The following SORCS1 variants were observed in gnomAD, a reference collection of about 807,000 sequenced individuals.
The protein encoded by SORCS1 is VPS10 domain-containing receptor SorCS1.
In SORCS1, 60 loss-of-function variants were observed where a neutral mutation model predicts 146.1. That is an observed-to-expected ratio of 0.41 (90% CI 0.33 to 0.51). SORCS1 has a LOEUF of 0.51. Among genes scored for constraint, SORCS1 ranks in the 20% least tolerant of loss-of-function variants. The pLI is 0.21. For missense variants in SORCS1, 1,352 were observed against 1,487.6 expected (o/e 0.91, Z 1.50); for synonymous variants, 637 against 584.0 (o/e 1.09, Z -1.31).
intron 4 of SORCS1, among the ~76,000 whole-genome samples, chr10:106,769,257 A>G (rs112247292): frequency 8.5e-5 from 13 of 152,188 alleles, no homozygotes; most frequent in African/African-American, 2.2e-4. Flanking sequence ...AGGCTGAGGC[A>G]GGCAGATCAC....
chr10:106,642,373 G>A (rs1849129330), intron 18 of SORCS1, among the ~76,000 whole-genome samples: 2 of 152,106 alleles, frequency 1.3e-5, no homozygotes, highest in Admixed American at 6.5e-5. Context: ...AGGTTTCTTT[G>A]GTACCTAGAG....
chr10:106,789,108 T>C (rs1230442158), intron 3 of SORCS1, among the ~76,000 whole-genome samples: 1 of 152,188 alleles, frequency 6.6e-6, no homozygotes, highest in South Asian at 2.1e-4. Context: ...AGCTGTGTGG[T>C]GGTCCCTTTC....
At chr10:107,155,102 T>C (rs1371312981) in intron 1 of SORCS1, among the ~76,000 whole-genome samples, 3 of 152,176 alleles carry the variant, frequency 2.0e-5, no homozygotes, top group Non-Finnish European at 2.9e-5. Context: ...TTAGTATACA[T>C]TGAATGACAG....
intron 1 of SORCS1, among the ~76,000 whole-genome samples, chr10:107,131,235 C>T (rs1277758893): frequency 6.6e-6 from 1 of 152,158 alleles, no homozygotes; most frequent in Non-Finnish European, 1.5e-5. Context: ...TTGGCATGTC[C>T]TCTTCCCAGG....
intron 1 of SORCS1, among the ~76,000 whole-genome samples, chr10:107,038,398 G>C (rs1282956946): frequency 6.7e-6 from 1 of 149,714 alleles, no homozygotes; most frequent in Non-Finnish European, 1.5e-5. Flanking sequence ...TCGTGGGGTG[G>C]GTGGGGGGGG....
At chr10:106,718,875 T>A (rs984777470) in intron 6 of SORCS1, among the ~76,000 whole-genome samples, 1 of 152,186 alleles carries the variant, frequency 6.6e-6, no homozygotes, top group East Asian at 1.9e-4. Context: ...TTTTACAGAG[T>A]GCTGATTGGT....
chr10:106,790,486 A>G (rs1285630882), intron 3 of SORCS1, among the ~76,000 whole-genome samples: 1 of 152,216 alleles, frequency 6.6e-6, no homozygotes, highest in Non-Finnish European at 1.5e-5. Flanking sequence ...AAGGAAGGGC[A>G]AGGAAGCAAT....
At chr10:106,943,587 C>T (rs1000329393) in intron 2 of SORCS1, among the ~76,000 whole-genome samples, 2 of 151,938 alleles carry the variant, frequency 1.3e-5, no homozygotes, top group Non-Finnish European at 2.9e-5. Flanking sequence ...GTGGCCGGAT[C>T]ATGAGGTCAG....
chr10:106,629,849 T>C (rs976342486), intron 18 of SORCS1, among the ~76,000 whole-genome samples: 1 of 152,044 alleles, frequency 6.6e-6, no homozygotes, highest in African/African-American at 2.4e-5. Flanking sequence ...ATCAAGACCA[T>C]CCTGGCCAAC....
At chr10:107,112,650 T>A (rs1181783249) in intron 1 of SORCS1, among the ~76,000 whole-genome samples, 1 of 152,018 alleles carries the variant, frequency 6.6e-6, no homozygotes, top group Non-Finnish European at 1.5e-5. Flanking sequence ...ACTTAAGCCT[T>A]AAGGACAAAC....
At chr10:106,648,443 G>C (rs1339191649) in intron 18 of SORCS1, among the ~76,000 whole-genome samples, 1 of 152,110 alleles carries the variant, frequency 6.6e-6, no homozygotes, top group Non-Finnish European at 1.5e-5. Flanking sequence ...TCCACATACT[G>C]TGCTATTATT....
intron 1 of SORCS1, among the ~76,000 whole-genome samples, chr10:107,067,668 A>G (rs1962008171): frequency 6.6e-6 from 1 of 152,150 alleles, no homozygotes; most frequent in South Asian, 2.1e-4. Flanking sequence ...GGCATGCAAC[A>G]GCACATAAAA....
At chr10:107,031,010 A>C (rs1303574402) in intron 1 of SORCS1, among the ~76,000 whole-genome samples, 1 of 152,172 alleles carries the variant, frequency 6.6e-6, no homozygotes, top group Non-Finnish European at 1.5e-5. Flanking sequence ...CAGATTAAAA[A>C]CTACTGTTCA....
intron 3 of SORCS1, among the ~76,000 whole-genome samples, chr10:106,793,177 T>A (rs531607535): frequency 6.6e-6 from 1 of 152,134 alleles, no homozygotes; most frequent in African/African-American, 2.4e-5. Context: ...GGAAAAGCAC[T>A]TTTTTTTCCT....
intron 2 of SORCS1, among the ~76,000 whole-genome samples, chr10:106,930,900 T>C (rs890776623): frequency 1.3e-5 from 2 of 152,106 alleles, no homozygotes; most frequent in African/African-American, 2.4e-5. Context: ...AAAGAAAAGG[T>C]AATTTCAGCA....
chr10:106,667,786 G>A lies in SORCS1; in HGVS notation c.2206C>T (p.Arg736Ter), dbSNP rs1267517816. The A allele has an allele frequency of 2.5e-6, 4 of 1,613,708 alleles. No individual in the cohort carries two copies. The highest frequency in any genetic ancestry group is 1.1e-5 in the South Asian group (1 of 90,956). ...ADFDCDYGYE[R>*]HSNGQCLPAF... Reference sequence around the variant, plus strand: ...GGCAGGCACTGGCCATTGCTGTGTCGCTCATAACCATAGTCGCTGTTAGGA... The same window carrying A: ...GGCAGGCACTGGCCATTGCTGTGTCACTCATAACCATAGTCGCTGTTAGGA... Residue 736 changes from arginine (R) to a stop codon, truncating the protein, a stop_gained, in exon 17 of 26, where the codon CGA (arginine) becomes TGA (stop). Coordinates refer to ENST00000263054, the MANE Select transcript of SORCS1 (RefSeq NM_052918.5). LOFTEE classifies it high-confidence loss of function.
intron 8 of SORCS1, 35 bp downstream of exon 8, chr10:106,706,510 C>T (rs1421361091): frequency 6.3e-7 from 1 of 1,599,286 alleles, no homozygotes; most frequent in Non-Finnish European, 8.6e-7. Flanking sequence ...GAATGAGAGT[C>T]AAGAGTGAAA....
At chr10:106,849,188 C>A (rs1949438752) in intron 2 of SORCS1, among the ~76,000 whole-genome samples, 1 of 149,786 alleles carries the variant, frequency 6.7e-6, no homozygotes, top group Non-Finnish European at 1.5e-5. Context: ...TGTTTTCCAA[C>A]TTGGTACCAT....
At chr10:106,919,888 T>C (rs1952624946) in intron 2 of SORCS1, among the ~76,000 whole-genome samples, 1 of 152,234 alleles carries the variant, frequency 6.6e-6, no homozygotes, top group South Asian at 2.1e-4. Flanking sequence ...TTGATCAAGT[T>C]AAACAATATA....
Sources: allele counts gnomAD v4.1 joint callset (sites outside exome capture counted in the v4.1 genomes callset), GRCh38; gene constraint gnomAD v4.1.1; transcripts MANE v1.5; gene names NCBI Gene and HGNC (gene_info 2026-07-23, HGNC 2026-07-21).